Variants in SNX25 observed in about 807,000 individuals in gnomAD.
SNX25 encodes sorting nexin 25.
A neutral mutation model predicts 113.7 loss-of-function variants in SNX25; 62 were observed. The ratio of observed to expected loss-of-function variants is 0.55; its 90% CI spans 0.44 to 0.67. The LOEUF is 0.67. SNX25 is among the 30% of genes least tolerant of loss of function. SNX25 has a pLI of 0.00. For synonymous variants in SNX25, 421 were observed against 436.2 expected (o/e 0.97, Z 0.43); for missense variants, 1,014 against 1,161.0 (o/e 0.87, Z 1.84).
At chr4:185,261,114 CTG>C (rs369434936) in intron 3 of SNX25, among the ~76,000 whole-genome samples, 38,089 of 141,446 alleles carry the variant, frequency 0.27, 5,323 homozygotes, top group East Asian at 0.35. Flanking sequence ...CTGTCTGTCT[CTG>C]TGTGTGTGTG....
intron 1 of SNX25, among the ~76,000 whole-genome samples, chr4:185,211,948 G>C (rs1297573974): frequency 6.6e-6 from 1 of 152,134 alleles, no homozygotes; most frequent in Non-Finnish European, 1.5e-5. Context: ...TTATCATCTA[G>C]AAAGATTGTT....
chr4:185,231,342 A>G (rs953599613), intron 1 of SNX25, among the ~76,000 whole-genome samples: 2 of 150,348 alleles, frequency 1.3e-5, no homozygotes, highest in Non-Finnish European at 3.0e-5. Flanking sequence ...ATCGTGATCC[A>G]CCCGCCTCGG....
chr4:185,277,965 C>T (rs1749993323), intron 5 of SNX25, among the ~76,000 whole-genome samples: 1 of 135,978 alleles, frequency 7.4e-6, no homozygotes, highest in Non-Finnish European at 1.6e-5. Flanking sequence ...ATCTCCTGAC[C>T]TCGTGATCCG....
At chr4:185,378,310 C>T in the SNX25 span, 7 of 1,483,894 alleles carry the variant, frequency 4.7e-6, no homozygotes, top group Non-Finnish European at 5.3e-6. Context: ...AAGCATCCTT[C>T]TCTCATCGCC....
chr4:185,266,048 A>G (rs1460764653), intron 4 of SNX25, among the ~76,000 whole-genome samples: 1 of 152,226 alleles, frequency 6.6e-6, no homozygotes, highest in African/African-American at 2.4e-5. Flanking sequence ...AACTTTCCCT[A>G]TCTCAGTCTC....
At chr4:185,340,047 G>A (rs1308364785) in intron 11 of SNX25, among the ~76,000 whole-genome samples, 2 of 152,032 alleles carry the variant, frequency 1.3e-5, no homozygotes, top group South Asian at 2.1e-4. Context: ...GAGGAAAGAC[G>A]CTTATAGGCG....
At chr4:185,290,268 C>T (rs1751955808) in intron 6 of SNX25, among the ~76,000 whole-genome samples, 1 of 152,206 alleles carries the variant, frequency 6.6e-6, no homozygotes, top group African/African-American at 2.4e-5. Flanking sequence ...CAGCCCATAA[C>T]AGTTATGTTA....
At chr4:185,220,417 T>C (rs770167170) in intron 1 of SNX25, among the ~76,000 whole-genome samples, 1 of 152,090 alleles carries the variant, frequency 6.6e-6, no homozygotes, top group Non-Finnish European at 1.5e-5. Flanking sequence ...TATCTCCTAA[T>C]GCTTGTTCCT....
At position 185,300,840 on chromosome 4, in the gene SNX25, GACACAC is replaced by G. The variant is rs58762122; in HGVS notation, c.1163-9765_1163-9760del. On this transcript the variant is annotated intron_variant, in intron 6 of 18. Coordinates refer to ENST00000652585, the MANE Select transcript of SNX25 (RefSeq NM_001378034.2). ...ATGCCTGTGGTATTATGATTATTAT[GACACAC>G]ACACACACACACACACACACACACA... 1.2e-3 allele frequency among the ~76,000 whole-genome samples: 172 copies of G among 140,788 alleles called. No individual in the cohort carries two copies. In the East Asian group the frequency reaches 0.024, roughly 20 times the overall value. 92.4% of individuals were successfully genotyped at this position (140,788 alleles called of 152,430 possible).
downstream of SNX25, chr4:185,366,560 G>C (rs2095388719): frequency 6.6e-6 from 1 of 152,058 alleles, no homozygotes; most frequent in African/African-American, 2.4e-5. Context: ...TAAGAATAAA[G>C]GATGTCTCAA....
chr4:185,240,495 C>T (rs1377619305), intron 1 of SNX25, among the ~76,000 whole-genome samples: 13 of 150,924 alleles, frequency 8.6e-5, no homozygotes, highest in African/African-American at 2.2e-4. Context: ...CCTCACCTCC[C>T]GGATGGGGCG....
intron 12 of SNX25, among the ~76,000 whole-genome samples, chr4:185,345,177 G>A (rs1475802567): frequency 6.6e-6 from 1 of 152,094 alleles, no homozygotes; most frequent in African/African-American, 2.4e-5. Context: ...ATCTTTCCTC[G>A]TCTGTGGACT....
chr4:185,277,035 T>C (rs962097088), intron 5 of SNX25, among the ~76,000 whole-genome samples: 3 of 152,168 alleles, frequency 2.0e-5, no homozygotes, highest in Non-Finnish European at 4.4e-5. Context: ...TTTTTATTTT[T>C]ATTTTTCAAG....
At chr4:185,222,576 G>A (rs1380410069) in intron 1 of SNX25, among the ~76,000 whole-genome samples, 1 of 152,070 alleles carries the variant, frequency 6.6e-6, no homozygotes, top group East Asian at 1.9e-4. Flanking sequence ...GGCATATACC[G>A]CTCCTTCACT....
At chr4:185,304,660 A>T (rs1008752715) in intron 6 of SNX25, among the ~76,000 whole-genome samples, 1 of 151,256 alleles carries the variant, frequency 6.6e-6, no homozygotes, top group African/African-American at 2.4e-5. Context: ...CCGGGCCTAA[A>T]TTTTTTTTTA....
chr4:185,378,413 A>G, the SNX25 span: 2 of 1,351,664 alleles, frequency 1.5e-6, no homozygotes, highest in Non-Finnish European at 1.9e-6. Context: ...GCCATTCTCC[A>G]TGTCATTTTC....
intron 10 of SNX25, among the ~76,000 whole-genome samples, chr4:185,333,378 G>A (rs568526816): frequency 1.3e-5 from 2 of 152,300 alleles, no homozygotes; most frequent in Non-Finnish European, 2.9e-5. Flanking sequence ...AGGATTTCAA[G>A]CGGTCAACAT....
rs887515875 is a variant in SNX25, at chr4:185,232,886, T to A, written c.430-14408T>A. Among the ~76,000 whole-genome samples, 2 of 152,218 alleles carry A rather than the reference T, an allele frequency of 1.3e-5. No homozygotes were observed. Among genetic ancestry groups the A allele is most frequent in the Non-Finnish European group, 2.9e-5 (2 of 68,038 alleles). On this transcript the variant is annotated intron_variant, in intron 1 of 18. Transcript: ENST00000652585. This position sits in a 1 kb window ranked among gnomAD's most constrained non-coding sequence, Gnocchi z 4.4. ...CTGTGACCTGGGCTAGAAAGTGAAA[T>A]GTAGAGAGCATGCCAGAATAGGAAG... is the stretch of plus-strand genomic sequence containing the variant.
At chr4:185,259,624 G>T (rs1211963682) in intron 3 of SNX25, among the ~76,000 whole-genome samples, 1 of 152,020 alleles carries the variant, frequency 6.6e-6, no homozygotes. Context: ...GAGCTTGTGG[G>T]CTTTGACTAG....
Sources: allele counts gnomAD v4.1 joint callset (sites outside exome capture counted in the v4.1 genomes callset), GRCh38; gene constraint gnomAD v4.1.1; non-coding constraint Gnocchi (gnomAD v3.1); transcripts MANE v1.5; gene names NCBI Gene and HGNC (gene_info 2026-07-23, HGNC 2026-07-21).